Variants in SLC8A1 observed in about 807,000 individuals in gnomAD.
The protein encoded by SLC8A1 is solute carrier family 8 member A1.
Under a neutral mutation model 68.3 loss-of-function variants are expected in SLC8A1, and 18 were observed. The ratio of observed to expected loss-of-function variants is 0.26; its 90% CI spans 0.18 to 0.39. The LOEUF (loss-of-function observed/expected upper bound fraction) is 0.39, where lower values mean the gene tolerates loss of function less well. Ranked by LOEUF, SLC8A1 falls within the 10% of genes least tolerant of loss-of-function variation. SLC8A1 has a pLI of 1.00. For synonymous variants in SLC8A1, 475 were observed against 415.5 expected, an observed-to-expected ratio of 1.14 and a Z score of -1.74; for missense variants, 985 against 1,156.7, an observed-to-expected ratio of 0.85 and a Z score of 2.15.
At chr2:40,353,621 A>G (rs1222108647) in intron 2 of SLC8A1, among the ~76,000 whole-genome samples, 1 of 152,202 alleles carries the variant, frequency 6.6e-6, no homozygotes. Context: ...TAAGCATGTT[A>G]TAATTCTAGG....
At chr2:40,294,744 T>C (rs1224502498) in intron 2 of SLC8A1, among the ~76,000 whole-genome samples, 1 of 152,174 alleles carries the variant, frequency 6.6e-6, no homozygotes, top group Non-Finnish European at 1.5e-5. Flanking sequence ...CCTGGTTTTA[T>C]AAAATAAAGT....
chr2:40,169,306 G>T (rs913557827), intron 4 of SLC8A1, among the ~76,000 whole-genome samples: 6 of 152,186 alleles, frequency 3.9e-5, no homozygotes, highest in Non-Finnish European at 7.3e-5. Flanking sequence ...CCAGTGGTGG[G>T]ACAATTTGCT....
At chr2:40,434,918 C>A (rs1463150983) in intron 1 of SLC8A1, among the ~76,000 whole-genome samples, 2 of 152,074 alleles carry the variant, frequency 1.3e-5, no homozygotes, top group Non-Finnish European at 2.9e-5. Flanking sequence ...AGAGATAGAT[C>A]CAACTGCTTT....
intron 2 of SLC8A1, among the ~76,000 whole-genome samples, chr2:40,330,621 G>A (rs189262308): frequency 6.6e-6 from 1 of 152,262 alleles, no homozygotes; most frequent in African/African-American, 2.4e-5. Context: ...CTATTATAAA[G>A]AGAGGTAATT....
rs1558721899 is a variant in SLC8A1, at chr2:40,200,214, AT to A, written c.1809-22360del. ...TATTTATATATATATATAAATATAT[AT>A]ATATTTTTTTATATATATATATAAA... On this transcript the variant is annotated intron_variant, in intron 2 of 7. Coordinates refer to ENST00000406785, the Ensembl canonical transcript of SLC8A1. Among the ~76,000 whole-genome samples the A allele has an allele frequency of 4.5e-3, 44 of 9,678 alleles. 4 individuals carry two copies. The highest frequency in any genetic ancestry group is 0.019 in the Admixed American group (9 of 472). 6.3% of individuals were successfully genotyped at this position (9,678 alleles called of 152,430 possible). A position where few individuals can be genotyped will look rare whatever the true frequency, so the allele number is the denominator to read the frequency against.
intron 2 of SLC8A1, among the ~76,000 whole-genome samples, chr2:40,360,032 G>T (rs1438005912): frequency 6.6e-6 from 1 of 151,752 alleles, no homozygotes; most frequent in Non-Finnish European, 1.5e-5. Flanking sequence ...TTTCTTTAGT[G>T]CCCACTGGCA....
intron 2 of SLC8A1, among the ~76,000 whole-genome samples, chr2:40,364,781 C>A (rs1675603745): frequency 6.6e-6 from 1 of 151,988 alleles, no homozygotes. Flanking sequence ...CAGCCCAGTT[C>A]TTGAATTATT....
chr2:40,402,505 A>T (rs1689057655), intron 2 of SLC8A1, among the ~76,000 whole-genome samples: 4 of 152,164 alleles, frequency 2.6e-5, no homozygotes, highest in African/African-American at 9.7e-5. Context: ...TTTGCCCCGA[A>T]TTCTTTCTTG....
chr2:40,419,887 C>A (rs1360491927), intron 2 of SLC8A1, among the ~76,000 whole-genome samples: 2 of 152,106 alleles, frequency 1.3e-5, no homozygotes, highest in African/African-American at 4.8e-5. Flanking sequence ...TTTATAAACA[C>A]ATTGCTATCA....
At chr2:40,423,342 A>G (rs1228020260) in intron 2 of SLC8A1, among the ~76,000 whole-genome samples, 2 of 152,084 alleles carry the variant, frequency 1.3e-5, no homozygotes, top group Admixed American at 1.3e-4. Flanking sequence ...ATGTCTTTAA[A>G]ATGAAATTTG....
intron 2 of SLC8A1, among the ~76,000 whole-genome samples, chr2:40,362,081 G>C (rs1024220376): frequency 6.6e-6 from 1 of 151,254 alleles, no homozygotes; most frequent in Non-Finnish European, 1.5e-5. Context: ...TTTTAGTAGA[G>C]ATGGGGTTTC....
At chr2:40,229,703 A>AACAG (rs1318416405) in intron 2 of SLC8A1, among the ~76,000 whole-genome samples, 3 of 151,890 alleles carry the variant, frequency 2.0e-5, no homozygotes, top group Non-Finnish European at 4.4e-5. Flanking sequence ...TAACCTAACA[A>AACAG]CTATACTTTT....
chr2:40,293,823 A>G (rs914487653), intron 2 of SLC8A1, among the ~76,000 whole-genome samples: 7 of 151,812 alleles, frequency 4.6e-5, no homozygotes, highest in Admixed American at 4.6e-4. Flanking sequence ...ATTCATTTAC[A>G]TAATTTTATG....
intron 2 of SLC8A1, among the ~76,000 whole-genome samples, chr2:40,188,521 T>C (rs2051133732): frequency 6.6e-6 from 1 of 152,248 alleles, no homozygotes; most frequent in Non-Finnish European, 1.5e-5. Context: ...CTGAACATTT[T>C]AAACATTCCT....
intron 2 of SLC8A1, among the ~76,000 whole-genome samples, chr2:40,179,808 G>C (rs1370879980): frequency 2.6e-5 from 4 of 152,100 alleles, no homozygotes; most frequent in Non-Finnish European, 5.9e-5. Flanking sequence ...CTAATATGAA[G>C]GAGTCATAGG....
At chr2:40,099,756 A>G (rs909736581) in exon 8 of SLC8A1, 2 of 151,960 alleles carry the variant, frequency 1.3e-5, no homozygotes, top group African/African-American at 4.8e-5. Context: ...TCAGTTTACT[A>G]TCAAAATTGT....
intron 1 of SLC8A1, among the ~76,000 whole-genome samples, chr2:40,487,790 A>T (rs2149919982): frequency 6.6e-6 from 1 of 152,250 alleles, no homozygotes; most frequent in African/African-American, 2.4e-5. Flanking sequence ...ACTGCTGCTG[A>T]AAAGGCCAAG....
chr2:40,314,907 G>T (rs1404203015), intron 2 of SLC8A1, among the ~76,000 whole-genome samples: 3 of 151,892 alleles, frequency 2.0e-5, no homozygotes, highest in South Asian at 4.1e-4. Flanking sequence ...ATTTTTATCA[G>T]ATTTTTATAT....
intron 2 of SLC8A1, among the ~76,000 whole-genome samples, chr2:40,237,784 G>T (rs1397829063): frequency 1.3e-5 from 2 of 152,136 alleles, no homozygotes; most frequent in Non-Finnish European, 2.9e-5. Flanking sequence ...TGGGTTTTTG[G>T]TGTGGACGTC....
Sources: gnomAD v4.1 joint callset for allele counts (sites outside exome capture counted in the v4.1 genomes callset) on GRCh38, gnomAD v4.1.1 for gene constraint, MANE v1.5 for transcripts, NCBI Gene and HGNC (gene_info 2026-07-23, HGNC 2026-07-21) for gene names.